Variants in CAP2 observed in about 807,000 individuals in gnomAD.
CAP2 encodes the protein cyclase associated actin cytoskeleton regulatory protein 2.
A neutral mutation model predicts 57.7 loss-of-function variants in CAP2; 24 were observed. The observed-to-expected ratio is 0.42, with a 90% confidence interval of 0.30 to 0.58. The LOEUF (loss-of-function observed/expected upper bound fraction) is 0.58, where lower values mean the gene tolerates loss of function less well. CAP2 is among the 20% of genes least tolerant of loss of function. The pLI, the probability that CAP2 is intolerant of heterozygous loss-of-function variation, is 0.22. For missense variants in CAP2, 501 were observed against 590.3 expected (o/e 0.85, Z 1.57); for synonymous variants, 194 against 207.2 (o/e 0.94, Z 0.55).
At chr6:17,429,671 T>C (rs962748904) in intron 3 of CAP2, among the ~76,000 whole-genome samples, 1 of 152,090 alleles carries the variant, frequency 6.6e-6, no homozygotes, top group African/African-American at 2.4e-5. Flanking sequence ...ATGTTCTCCC[T>C]AGTTTTTAAA....
At chr6:17,525,468 CAA>C (rs35979749) in intron 7 of CAP2, among the ~76,000 whole-genome samples, 5 of 139,250 alleles carry the variant, frequency 3.6e-5, no homozygotes, top group African/African-American at 2.6e-5. Context: ...GATTCCATCT[CAA>C]AAAAAAAAAA....
chr6:17,496,731 C>G (rs1203820677), intron 4 of CAP2, among the ~76,000 whole-genome samples: 1 of 152,172 alleles, frequency 6.6e-6, no homozygotes, highest in African/African-American at 2.4e-5. Context: ...GTATCAGTGG[C>G]TCGGTACAAT....
At chr6:17,402,729 C>T (rs1341611953) in intron 1 of CAP2, among the ~76,000 whole-genome samples, 1 of 152,212 alleles carries the variant, frequency 6.6e-6, no homozygotes, top group African/African-American at 2.4e-5. Flanking sequence ...TGGACTTCTA[C>T]AGCATAAAGT....
At chr6:17,521,768 G>A (rs1289679847) in intron 7 of CAP2, among the ~76,000 whole-genome samples, 1 of 152,192 alleles carries the variant, frequency 6.6e-6, no homozygotes, top group Non-Finnish European at 1.5e-5. Context: ...ATCCTGTAGT[G>A]CAGCATGGTT....
chr6:17,448,780 T>C (rs1373550153), intron 3 of CAP2, among the ~76,000 whole-genome samples: 1 of 152,010 alleles, frequency 6.6e-6, no homozygotes, highest in Non-Finnish European at 1.5e-5. Flanking sequence ...TTTTTTTTTT[T>C]TGAGACAAAG....
At chr6:17,463,095 GA>G in intron 4 of CAP2, 22 bp downstream of exon 4, 1 of 1,559,164 alleles carries the variant, frequency 6.4e-7, no homozygotes, top group Non-Finnish European at 8.8e-7. Context: ...TCCTGAGAGG[GA>G]AGGTGTCCCA....
intron 10 of CAP2, 24 bp downstream of exon 10, chr6:17,542,984 G>A: frequency 6.2e-7 from 1 of 1,613,220 alleles, no homozygotes. Flanking sequence ...ATGGCTCTAT[G>A]GTTATTATGA....
chr6:17,395,518 A>G (rs1372494271), intron 1 of CAP2, among the ~76,000 whole-genome samples: 1 of 152,094 alleles, frequency 6.6e-6, no homozygotes. Context: ...GTAGTTTGCT[A>G]CTCCCACTGA....
intron 3 of CAP2, among the ~76,000 whole-genome samples, chr6:17,433,018 C>T (rs985278868): frequency 7.6e-6 from 1 of 130,772 alleles, no homozygotes; most frequent in African/African-American, 2.8e-5. Context: ...TTTCTATCTT[C>T]TACAGAGAAG....
intron 6 of CAP2, among the ~76,000 whole-genome samples, chr6:17,508,041 G>A (rs557489598): frequency 6.6e-6 from 1 of 152,258 alleles, no homozygotes; most frequent in South Asian, 2.1e-4. Context: ...ACCCTATATG[G>A]TACAGAACCT....
At chr6:17,535,699 A>G (rs1762757056) in intron 7 of CAP2, among the ~76,000 whole-genome samples, 1 of 152,162 alleles carries the variant, frequency 6.6e-6, no homozygotes, top group Admixed American at 6.6e-5. Flanking sequence ...TTGAATTTAA[A>G]CAGCCTTTCT....
rs1040631659 is a variant in CAP2, at chr6:17,413,543, G to T, written c.-1-8012G>T. On this transcript the variant is annotated intron_variant, in intron 1 of 12. Coordinates refer to ENST00000229922, the MANE Select transcript of CAP2 (RefSeq NM_006366.3). ...CCTTAGTTTTCTAGATATGAGCATT[G>T]TGCCTAGTAGACAGTGGGAACTGAC... 3.3e-5 allele frequency among the ~76,000 whole-genome samples: 5 copies of T among 152,164 alleles called. No homozygotes were observed. In the East Asian group the frequency reaches 7.7e-4, roughly 24 times the overall value.
intron 12 of CAP2, among the ~76,000 whole-genome samples, chr6:17,553,921 T>A (rs943031121): frequency 3.9e-5 from 6 of 152,190 alleles, no homozygotes; most frequent in Non-Finnish European, 8.8e-5. Flanking sequence ...CTTGGCCTGG[T>A]TCTTGAGAAC....
In CAP2 at chr6:17,393,717, C is replaced by T. The variant is rs547264403; in HGVS notation, c.-31C>T. ...GTGGCCGACCACGGATTTGCATTGC[C>T]GAGGACGGGACCCCAGGGCAGCGAA... On this transcript the variant is annotated 5_prime_UTR_variant, in exon 1 of 13. Transcript: ENST00000229922. The T allele has an allele frequency of 1.3e-5, 2 of 152,330 alleles. No individual in the cohort carries two copies. Among genetic ancestry groups the T allele is most frequent in the East Asian group, 1.9e-4 (1 of 5,130 alleles). The allele number at this position is 152,330 out of a possible 1,614,324, so 9.4% of individuals were successfully genotyped here.
chr6:17,393,938 C>CCGGGCGCGGGGCG (rs1223137895), intron 1 of CAP2, among the ~76,000 whole-genome samples, 192 bp downstream of exon 1: 10 of 146,732 alleles, frequency 6.8e-5, no homozygotes, highest in Admixed American at 1.4e-4. Context: ...GCGCGGCGAC[C>CCGGGCGCGGGGCG]CGGGCGCGGG....
chr6:17,494,562 C>A (rs571110144), intron 4 of CAP2, among the ~76,000 whole-genome samples: 10 of 152,266 alleles, frequency 6.6e-5, no homozygotes, highest in Admixed American at 3.9e-4. Flanking sequence ...AACCCACCCC[C>A]CATATATATT....
intron 1 of CAP2, among the ~76,000 whole-genome samples, chr6:17,418,774 T>C (rs896076887): frequency 6.6e-6 from 1 of 152,198 alleles, no homozygotes; most frequent in South Asian, 2.1e-4. Context: ...TTAAAAGATT[T>C]GAGGGGCTTT....
intron 5 of CAP2, 83 bp downstream of exon 5, chr6:17,507,395 G>A (rs777662479): frequency 1.2e-5 from 17 of 1,406,196 alleles, no homozygotes; most frequent in East Asian, 4.6e-5. Context: ...CTACCTTCAC[G>A]CTCCTTGCAC....
chr6:17,412,300 A>C (rs980470536), intron 1 of CAP2, among the ~76,000 whole-genome samples: 1 of 152,016 alleles, frequency 6.6e-6, no homozygotes, highest in Non-Finnish European at 1.5e-5. Context: ...TGTCTCATCC[A>C]CCTGTGTAGC....
Sources: allele counts gnomAD v4.1 joint callset (sites outside exome capture counted in the v4.1 genomes callset), GRCh38; gene constraint gnomAD v4.1.1; transcripts MANE v1.5; gene names NCBI Gene and HGNC (gene_info 2026-07-23, HGNC 2026-07-21).